Variants in ELP1 observed in about 807,000 individuals in gnomAD.
ELP1 encodes the protein elongator acetyltransferase complex subunit 1, also known as elongator complex protein 1.
In ELP1, 131 loss-of-function variants were observed where a neutral mutation model predicts 183.2. The observed-to-expected ratio is 0.72, with a 90% confidence interval of 0.62 to 0.83. The LOEUF (loss-of-function observed/expected upper bound fraction) is 0.83. ELP1 is among the 40% of genes least tolerant of loss of function. The pLI, the probability that ELP1 is intolerant of heterozygous loss-of-function variation, is 0.00. For missense variants in ELP1, 1,550 were observed against 1,594.9 expected (o/e 0.97, Z 0.48); for synonymous variants, 555 against 569.0 (o/e 0.98, Z 0.35).
At position 108,929,795 on chromosome 9, in the gene ELP1, T is replaced by C. The variant is rs1829938293; in HGVS notation, c.277A>G (p.Ile93Val). Residue 93 changes from isoleucine to valine, a missense_variant, in exon 3 of 37, where the codon ATA becomes GTA. Transcript: ENST00000374647. ...VCVATASGDV[I>V]LCSLSTQQLE... ...TGTTGTGTGCTGAGACTGCAGAGTA[T>C]GACGTCTCCAGAGGCTGTGGCCACA... 2 of 1,613,904 alleles carry C rather than the reference T, an allele frequency of 1.2e-6. No individual in the cohort carries two copies. Among genetic ancestry groups the C allele is most frequent in the African/African-American group, 1.3e-5 (1 of 74,912 alleles).
In ELP1 at chr9:108,872,816, A is replaced by AC. The variant is rs1220942199; in HGVS notation, c.3931+2078_3931+2079insG. On this transcript the variant is annotated intron_variant, in intron 36 of 36. Transcript: ENST00000374647. ...CAAGACTCTGTCTGAAAAAAAAAAA[A>AC]AAAAAAAAAAAAAAAAAAAAAAACT... is the stretch of plus-strand genomic sequence containing the variant. Among the ~76,000 whole-genome samples, 5 of 52,336 alleles carry AC rather than the reference A, an allele frequency of 9.6e-5. No homozygotes were observed. In the East Asian group the frequency reaches 2.1e-3, roughly 22 times the overall value. The allele number at this position is 52,336 out of a possible 152,430, so 34.3% of individuals were successfully genotyped here. A position where few individuals can be genotyped will look rare whatever the true frequency, so the allele number is the denominator to read the frequency against.
chr9:108,923,864 G>T (rs1173791272), intron 5 of ELP1, among the ~76,000 whole-genome samples: 2 of 152,180 alleles, frequency 1.3e-5, no homozygotes, highest in Non-Finnish European at 2.9e-5. Context: ...CAATAAAGAT[G>T]GTCCTGAAAA....
At position 108,889,127 on chromosome 9, in the gene ELP1, A is replaced by C. The variant is rs3780507; in HGVS notation, c.3222+205T>G. 0.4 allele frequency among the ~76,000 whole-genome samples: 60,438 copies of C among 152,000 alleles called. 13,988 individuals are homozygous for C. Among genetic ancestry groups the C allele is most frequent in the African/African-American group, 0.65 (26,818 of 41,442 alleles). ...AACCAGTGGTATGTTAAAGTAGAGC[A>C]CCTTCATATTCTACCTCACCAAACT... On this transcript the variant is annotated intron_variant, in intron 29 of 36. Coordinates refer to ENST00000374647, the MANE Select transcript of ELP1 (RefSeq NM_003640.5).
rs552669884 is a variant in ELP1 at position 108,901,302 on chromosome 9, G to A, written c.2014+123C>T. 23 of 725,014 alleles carry A rather than the reference G, an allele frequency of 3.2e-5. No individual in the cohort carries two copies. In the South Asian group the frequency reaches 3.5e-4, roughly 11 times the overall value. The allele number at this position is 725,014 out of a possible 1,614,324, so 44.9% of individuals were successfully genotyped here. On this transcript the variant is annotated intron_variant, in intron 18 of 36. Coordinates refer to ENST00000374647, the MANE Select transcript of ELP1 (RefSeq NM_003640.5). ...AGGGTCTAAGTAAAATAACTCTAAA[G>A]ATTTTCTCCAGCCTAGGACTCCTTG...
intron 5 of ELP1, among the ~76,000 whole-genome samples, chr9:108,926,278 T>C (rs1475584249): frequency 6.6e-6 from 1 of 152,182 alleles, no homozygotes; most frequent in African/African-American, 2.4e-5. Flanking sequence ...AAGCCCAGCC[T>C]AAGACTTTCC....
Position 108,901,465 on chromosome 9 carries a change from A to T in ELP1, c.1974T>A (p.His658Gln). ...DEFLLLTTHS[H>Q]TCQCFCLRDA... Reference sequence around the variant, plus strand: ...CCCTCAGGCAAAAACACTGGCAGGTATGGGAATGGGTTGTCAACAATAAAA... The same window carrying T: ...CCCTCAGGCAAAAACACTGGCAGGTTTGGGAATGGGTTGTCAACAATAAAA... The change falls in exon 18 of 37, where the codon CAT becomes CAA. Residue 658 changes from histidine to glutamine, a missense_variant. Coordinates refer to ENST00000374647, the MANE Select transcript of ELP1 (RefSeq NM_003640.5). The T allele has an allele frequency of 6.2e-7, 1 of 1,614,040 alleles. No homozygotes were observed.
chr9:108,896,167 G>A (rs1828536464), intron 25 of ELP1, among the ~76,000 whole-genome samples: 1 of 152,174 alleles, frequency 6.6e-6, no homozygotes, highest in Non-Finnish European at 1.5e-5. Context: ...TGAGGCAGGA[G>A]AATGGCGTGA....
chr9:108,877,875 A>G, intron 35 of ELP1, 120 bp downstream of exon 35: 1 of 1,023,418 alleles, frequency 9.8e-7, no homozygotes, highest in Non-Finnish European at 1.5e-6. Flanking sequence ...AATCTAAGAT[A>G]ATTTAACTAT....
chr9:108,924,684 C>T (rs1829770878), intron 5 of ELP1, among the ~76,000 whole-genome samples: 1 of 152,214 alleles, frequency 6.6e-6, no homozygotes, highest in Non-Finnish European at 1.5e-5. Flanking sequence ...ATACCCACTA[C>T]TCTCAGTCCA....
intron 16 of ELP1, among the ~76,000 whole-genome samples, chr9:108,902,364 A>G: frequency 6.6e-6 from 1 of 152,164 alleles, no homozygotes; most frequent in Non-Finnish European, 1.5e-5. Context: ...GTCCATTTCC[A>G]TCACACTCCC....
rs56076530 is a variant in ELP1 at position 108,912,769 on chromosome 9, T to TA, written c.959-276dup. 3.9e-4 allele frequency among the ~76,000 whole-genome samples: 58 copies of TA among 150,396 alleles called. 1 individual carries two copies. Among genetic ancestry groups the TA allele is most frequent in the African/African-American group, 1.4e-3 (56 of 41,098 alleles). ...TTTATTTTCGTTTTTTTTTTTTTTT[T>TA]ATTGACACAGAGTCTCGCTCTGCCG... On this transcript the variant is annotated intron_variant, in intron 10 of 36. Transcript: ENST00000374647.
rs753410907 is a variant in ELP1, at chr9:108,882,197, G to C, written c.3223-10C>G. 2.5e-6 allele frequency: 4 copies of C among 1,611,450 alleles called. No individual in the cohort carries two copies. Among genetic ancestry groups the C allele is most frequent in the South Asian group, 1.1e-5 (1 of 91,026 alleles). On this transcript the variant is annotated splice_polypyrimidine_tract_variant and intron_variant, in intron 29 of 36. Coordinates refer to ENST00000374647, the MANE Select transcript of ELP1 (RefSeq NM_003640.5). ...CAGCTTCTTCATAATCCTGACAAGG[G>C]AACAGGAAGAAGACAACAAGTGAAG...
intron 14 of ELP1, among the ~76,000 whole-genome samples, 153 bp from the exon 15 acceptor site, chr9:108,903,822 T>TACACAC (rs1491534328): frequency 3.6e-5 from 2 of 55,152 alleles, no homozygotes; most frequent in African/African-American, 1.1e-4. Flanking sequence ...CACCCAATAC[T>TACACAC]ATACACACAC....
chr9:108,916,193 A>C lies in ELP1; in HGVS notation c.958+11T>G, dbSNP rs201309418. ...ATGGGGCAGAAGGCTGGGGTACTAC[A>C]GCTGTCTTACCACAGGTTTTCGGAA... On this transcript the variant is annotated intron_variant, in intron 10 of 36. Coordinates refer to ENST00000374647, the MANE Select transcript of ELP1 (RefSeq NM_003640.5). 22 of 1,606,328 alleles carry C rather than the reference A, an allele frequency of 1.4e-5. No individual in the cohort carries two copies. In the East Asian group the frequency reaches 4.0e-4, roughly 29 times the overall value.
rs1587928500 is a variant in ELP1, at chr9:108,931,078, G to A, written c.69C>T (p.Cys23=). The A allele has an allele frequency of 6.2e-7, 1 of 1,613,982 alleles. No individual in the cohort carries two copies. The highest frequency in any genetic ancestry group is 8.5e-7 in the Non-Finnish European group (1 of 1,179,858). Residue 23 remains cysteine (C), a synonymous_variant, in exon 2 of 37, where the codon TGC becomes TGT. Coordinates refer to ENST00000374647, the MANE Select transcript of ELP1 (RefSeq NM_003640.5). The part of the protein sequence containing the change: ...RDIQGPGNPQ[C]FSLRTEQGTV... Reference sequence around the variant, plus strand: ...TCCCCTGTTCAGTTCGGAGAGAGAAGCACTGAGGATTCCCTGGACCTTGAA... The same window carrying A: ...TCCCCTGTTCAGTTCGGAGAGAGAAACACTGAGGATTCCCTGGACCTTGAA...
At chr9:108,920,189 G>A (rs941430176) in intron 6 of ELP1, among the ~76,000 whole-genome samples, 4 of 152,090 alleles carry the variant, frequency 2.6e-5, no homozygotes, top group Admixed American at 1.3e-4. Flanking sequence ...TATTCTAGAA[G>A]AGTAGCTCAT....
At chr9:108,899,694 A>G in intron 20 of ELP1, 128 bp downstream of exon 20, 1 of 724,740 alleles carries the variant, frequency 1.4e-6, no homozygotes, top group East Asian at 2.7e-5. Flanking sequence ...GCCTCTAAGA[A>G]TCTGATTGAT....
At chr9:108,901,237 A>G (rs555546813) in intron 18 of ELP1, among the ~76,000 whole-genome samples, 188 bp downstream of exon 18, 3 of 152,336 alleles carry the variant, frequency 2.0e-5, no homozygotes, top group South Asian at 2.1e-4. Context: ...TGTCTTTACT[A>G]AAGTGCAGAA....
Position 108,906,440 on chromosome 9 carries a change from T to C in ELP1, c.1506A>G (p.Lys502=), listed in dbSNP as rs1829022503. 2 of 1,614,070 alleles carry C rather than the reference T, an allele frequency of 1.2e-6. No individual in the cohort carries two copies. The highest frequency in any genetic ancestry group is 1.7e-6 in the Non-Finnish European group (2 of 1,179,914). The change falls in exon 14 of 37, where the codon AAA becomes AAG. Residue 502 remains lysine, a synonymous_variant. Coordinates refer to ENST00000374647, the MANE Select transcript of ELP1 (RefSeq NM_003640.5). ...CTTCAATCCAAGTGAGAAGGCCTAGTTTCAGCGGGTTTACATCTTGATCTT... is the reference window on the plus strand; with the variant it reads ...CTTCAATCCAAGTGAGAAGGCCTAGCTTCAGCGGGTTTACATCTTGATCTT... ...NNEDQDVNPL[K]LGLLTWIEED...
Sources: allele counts gnomAD v4.1 joint callset (sites outside exome capture counted in the v4.1 genomes callset), GRCh38; gene constraint gnomAD v4.1.1; transcripts MANE v1.5; gene names NCBI Gene and HGNC (gene_info 2026-07-23, HGNC 2026-07-21).